Variants in USP49 observed in about 807,000 individuals in gnomAD.
USP49 encodes the protein ubiquitin specific peptidase 49.
In USP49, 24 loss-of-function variants were observed where a neutral mutation model predicts 58.6. The observed-to-expected ratio is 0.41, with a 90% CI of 0.30 to 0.58. USP49 has a LOEUF of 0.58. USP49 is among the 20% of genes least tolerant of loss of function. The probability of loss-of-function intolerance (pLI) is 0.30; values close to 1 mark genes in which losing one functional copy is unlikely to be tolerated. For synonymous variants in USP49, 408 were observed against 365.1 expected (o/e 1.12, Z -1.34); for missense variants, 703 against 866.1 (o/e 0.81, Z 2.36).
intron 3 of USP49, among the ~76,000 whole-genome samples, chr6:41,870,688 A>ATTTTTT (rs70987539): frequency 0.44 from 51,317 of 115,562 alleles, 12,238 homozygotes; most frequent in South Asian, 0.52. Flanking sequence ...CACCTGGCTA[A>ATTTTTT]TTTTTTTTTT....
chr6:41,888,127 T>C (rs1320213616), intron 2 of USP49, among the ~76,000 whole-genome samples: 1 of 140,962 alleles, frequency 7.1e-6, no homozygotes, highest in Non-Finnish European at 1.5e-5. Flanking sequence ...CAATCTCAGC[T>C]CACTGCAACC....
At chr6:41,866,722 T>C (rs1341539463) in intron 3 of USP49, among the ~76,000 whole-genome samples, 1 of 152,210 alleles carries the variant, frequency 6.6e-6, no homozygotes, top group Non-Finnish European at 1.5e-5. Context: ...TGTATTCTCC[T>C]ATCTGCTTCT....
intron 3 of USP49, among the ~76,000 whole-genome samples, chr6:41,829,370 A>T (rs1269626473): frequency 2.6e-5 from 4 of 151,702 alleles, no homozygotes; most frequent in Non-Finnish European, 5.9e-5. Flanking sequence ...GCTGGAGTGC[A>T]ATGGCACGAT....
At chr6:41,860,964 T>C (rs945291978) in intron 3 of USP49, among the ~76,000 whole-genome samples, 1 of 151,438 alleles carries the variant, frequency 6.6e-6, no homozygotes, top group African/African-American at 2.4e-5. Flanking sequence ...ACCCCATCTT[T>C]ACTAAAATAT....
intron 3 of USP49, among the ~76,000 whole-genome samples, chr6:41,839,739 C>T (rs1490713061): frequency 6.7e-6 from 1 of 148,174 alleles, no homozygotes; most frequent in Non-Finnish European, 1.5e-5. Context: ...TGAAGTAACT[C>T]AGGAATGGAA....
chr6:41,860,383 GCAAA>G (rs1183960382), intron 3 of USP49, among the ~76,000 whole-genome samples: 29 of 152,162 alleles, frequency 1.9e-4, no homozygotes, highest in Non-Finnish European at 8.8e-5. Context: ...ATTCAAATCA[GCAAA>G]CAATTTTTTA....
chr6:41,866,181 A>G (rs923034684), intron 3 of USP49, among the ~76,000 whole-genome samples: 6 of 151,424 alleles, frequency 4.0e-5, no homozygotes, highest in African/African-American at 1.5e-4. Flanking sequence ...CGGCCTCCCA[A>G]AGTGCTGGTA....
chr6:41,807,177 C>T (rs1773155639), intron 3 of USP49, among the ~76,000 whole-genome samples, 166 bp from the exon 4 acceptor site: 1 of 149,476 alleles, frequency 6.7e-6, no homozygotes, highest in South Asian at 2.1e-4. Flanking sequence ...TAAAAAAAGG[C>T]ACATTTGGTA....
At chr6:41,811,676 TCACA>T (rs560108962) in intron 3 of USP49, among the ~76,000 whole-genome samples, 1 of 152,228 alleles carries the variant, frequency 6.6e-6, no homozygotes, top group Non-Finnish European at 1.5e-5. Flanking sequence ...AATTACCCTC[TCACA>T]CAGTCTGGAA....
chr6:41,802,247 C>T (rs1323037753), intron 5 of USP49, among the ~76,000 whole-genome samples: 1 of 151,828 alleles, frequency 6.6e-6, no homozygotes, highest in Non-Finnish European at 1.5e-5. Flanking sequence ...GTCTCAAACT[C>T]CTGGCTTCAG....
chr6:41,822,744 C>T lies in USP49; in HGVS notation c.-28-15733G>A, dbSNP rs141073679. Among the ~76,000 whole-genome samples the T allele has an allele frequency of 5.3e-5, 8 of 151,380 alleles. No homozygotes were observed. The South Asian group carries it at 6.3e-4, about 12-fold the overall frequency. ...CCTGTCGTCTCAGCTACTCAGGAGG[C>T]TGAGGCAGAAGAATCGCTTGAGCCG... is the stretch of plus-strand genomic sequence containing the variant. On this transcript the variant is annotated intron_variant, in intron 3 of 7. Coordinates refer to ENST00000682992, the MANE Select transcript of USP49 (RefSeq NM_001286554.2).
At chr6:41,844,814 C>T (rs947557072) in intron 3 of USP49, among the ~76,000 whole-genome samples, 4 of 152,074 alleles carry the variant, frequency 2.6e-5, no homozygotes, top group Non-Finnish European at 5.9e-5. Context: ...TGTTAATATA[C>T]GTGAGTGGGT....
intron 3 of USP49, among the ~76,000 whole-genome samples, chr6:41,829,644 T>C (rs1402779107): frequency 1.3e-5 from 2 of 152,222 alleles, no homozygotes; most frequent in Non-Finnish European, 2.9e-5. Flanking sequence ...GATGTCTACA[T>C]AGTCTTCAAA....
At chr6:41,891,107 G>A (rs1774803991) in intron 2 of USP49, among the ~76,000 whole-genome samples, 1 of 152,170 alleles carries the variant, frequency 6.6e-6, no homozygotes, top group Non-Finnish European at 1.5e-5. Context: ...GGACTACAGG[G>A]ATAATTTTTA....
Position 41,850,418 on chromosome 6 carries a change from G to C in USP49, c.-29+21146C>G, listed in dbSNP as rs187188280. ...AGATCGTGCCACTACACTCCAGCCT[G>C]GGCAACAGAGTGAGACTCAGCCTCT... is the stretch of plus-strand genomic sequence containing the variant. On this transcript the variant is annotated intron_variant, in intron 3 of 7. Transcript: ENST00000682992. Among the ~76,000 whole-genome samples, 302 of 150,324 alleles carry C rather than the reference G, an allele frequency of 2.0e-3. 2 individuals are homozygous for C. Among genetic ancestry groups the C allele is most frequent in the African/African-American group, 7.1e-3 (290 of 40,952 alleles).
In USP49 at chr6:41,805,856, C is replaced by G. The variant is rs370357846; in HGVS notation, c.1128G>C (p.Val376=). The G allele has an allele frequency of 6.0e-5, 97 of 1,613,892 alleles. No individual in the cohort carries two copies. Among genetic ancestry groups the G allele is most frequent in the Non-Finnish European group, 7.5e-5 (88 of 1,180,036 alleles). Residue 376 remains valine (V), a synonymous_variant, in exon 4 of 8, where the codon GTG becomes GTC. Transcript: ENST00000682992. ...RVMWSGKWAL[V]SPFAMLHSVW... ...CTGAGTGGAGCATGGCGAAGGGCGA[C>G]ACTAGGGCCCACTTCCCGGACCACA... is the stretch of plus-strand genomic sequence containing the variant.
In USP49 at chr6:41,825,447, A is replaced by AG. The variant is rs1284031000; in HGVS notation, c.-28-18437_-28-18436insC. ...AAGAGAGGTCACTTAAAAGAAAAAA[A>AG]AAAAAAGATATGAGAACACGAAAAA... On this transcript the variant is annotated intron_variant, in intron 3 of 7. Transcript: ENST00000682992. Among the ~76,000 whole-genome samples the AG allele has an allele frequency of 4.6e-5, 7 of 152,128 alleles. No homozygotes were observed. In the East Asian group the frequency reaches 1.4e-3, roughly 29 times the overall value.
intron 5 of USP49, among the ~76,000 whole-genome samples, chr6:41,800,217 C>G (rs1024749994): frequency 9.2e-5 from 14 of 152,186 alleles, no homozygotes; most frequent in Admixed American, 7.2e-4. Flanking sequence ...TCCCTTTGGC[C>G]TTCCCACTAT....
chr6:41,859,340 A>G (rs1774180924), intron 3 of USP49, among the ~76,000 whole-genome samples: 1 of 152,124 alleles, frequency 6.6e-6, no homozygotes, highest in Admixed American at 6.6e-5. Context: ...CATTTTCATC[A>G]TTCCCCTGGC....
Sources: allele counts gnomAD v4.1 joint callset (sites outside exome capture counted in the v4.1 genomes callset), GRCh38; gene constraint gnomAD v4.1.1; transcripts MANE v1.5; gene names NCBI Gene and HGNC (gene_info 2026-07-23, HGNC 2026-07-21).